The following ISM2 variants were observed in gnomAD, a reference collection of about 807,000 sequenced individuals.
ISM2 encodes isthmin 2.
Under a neutral mutation model 58.0 loss-of-function variants are expected in ISM2, and 50 were observed. The ratio of observed to expected loss-of-function variants is 0.86; its 90% CI spans 0.69 to 1.09. ISM2 has a LOEUF of 1.09. Among genes scored for constraint, ISM2 ranks in the 50% least tolerant of loss-of-function variants. The pLI is 0.00. For synonymous variants in ISM2, 303 were observed against 312.4 expected (o/e 0.97, Z 0.32); for missense variants, 723 against 745.0 (o/e 0.97, Z 0.34).
chr14:77,479,067 T>A (rs2139955846), intron 4 of ISM2, among the ~76,000 whole-genome samples: 1 of 152,158 alleles, frequency 6.6e-6, no homozygotes, highest in Admixed American at 6.5e-5. Context: ...GAGCTATAGG[T>A]TTTTTAATTT....
intron 6 of ISM2, among the ~76,000 whole-genome samples, 200 bp from the exon 7 acceptor site, chr14:77,476,312 C>T (rs905034216): frequency 1.3e-5 from 2 of 152,258 alleles, no homozygotes; most frequent in Non-Finnish European, 1.5e-5. Context: ...AGCTCTTGCT[C>T]AGAACAGACA....
In ISM2 at chr14:77,497,769, G is replaced by GGGAA. The variant is rs1177768719; in HGVS notation, c.141+880_141+883dup. ...AGGGAGGGAGGGAGGGAGGGAGGGA[G>GGGAA]GGAAGGAAGGAAGGAAGGAAGGAAG... is the stretch of plus-strand genomic sequence containing the variant. On this transcript the variant is annotated intron_variant, in intron 1 of 6. Transcript: ENST00000342219. Among the ~76,000 whole-genome samples the GGGAA allele has an allele frequency of 2.2e-3, 187 of 86,192 alleles. 4 individuals are homozygous for GGGAA. The highest frequency in any genetic ancestry group is 3.1e-3 in the South Asian group (8 of 2,560). The allele number at this position is 86,192 out of a possible 152,430, so 56.5% of individuals were successfully genotyped here.
rs778989446 is a variant in ISM2, at chr14:77,484,477, T to C, written c.473A>G (p.Gln158Arg). 8 of 1,608,938 alleles carry C rather than the reference T, an allele frequency of 5.0e-6. No homozygotes were observed. Among genetic ancestry groups the C allele is most frequent in the Non-Finnish European group, 6.8e-6 (8 of 1,177,854 alleles). ...CTCAGTGACAGTCCAACATCCATGT[T>C]GGTGTAGCTCTGCCTGCAGGTGGGT... ...PRTHLQAELH[Q>R]HGCWTVTEPA... Residue 158 changes from glutamine (Q) to arginine (R), a missense_variant, in exon 3 of 7, where the codon CAA becomes CGA. By Grantham distance (43) the Gln-to-Arg change is conservative. Coordinates refer to ENST00000342219, the MANE Select transcript of ISM2 (RefSeq NM_199296.3).
In ISM2 at chr14:77,484,780, G is replaced by A. The variant is rs1199932367; in HGVS notation, c.281C>T (p.Ala94Val). 1 of 1,611,156 alleles carries A rather than the reference G, an allele frequency of 6.2e-7. No homozygotes were observed. The highest frequency in any genetic ancestry group is 1.1e-5 in the South Asian group (1 of 90,952). Reference sequence around the variant, plus strand: ...AACCTCTGGGGTCCTGGGAGGGGTGGCGTTGCCTGGGGTCATGGCTGCTGG... The same window carrying A: ...AACCTCTGGGGTCCTGGGAGGGGTGACGTTGCCTGGGGTCATGGCTGCTGG... ...TEPAAMTPGN[A>V]TPPRTPEVTP... The change falls in exon 2 of 7, where the codon GCC (alanine) becomes GTC (valine). Residue 94 changes from alanine (A) to valine (V), a missense_variant. Coordinates refer to ENST00000342219, the MANE Select transcript of ISM2 (RefSeq NM_199296.3).
At chr14:77,498,603 G>A (rs2079263624) in intron 1 of ISM2, 50 bp downstream of exon 1, 1 of 1,403,020 alleles carries the variant, frequency 7.1e-7, no homozygotes, top group Non-Finnish European at 9.2e-7. Flanking sequence ...GGCGGGCTGG[G>A]GAGGTGGGAC....
intron 1 of ISM2, among the ~76,000 whole-genome samples, chr14:77,490,419 T>C (rs1012713020): frequency 1.6e-5 from 2 of 124,640 alleles, no homozygotes; most frequent in Non-Finnish European, 3.5e-5. Flanking sequence ...GATCACCCTA[T>C]ATGTACAGAC....
At chr14:77,497,685 T>A (rs2079252525) in intron 1 of ISM2, among the ~76,000 whole-genome samples, 1 of 144,634 alleles carries the variant, frequency 6.9e-6, no homozygotes, top group African/African-American at 2.6e-5. Context: ...CAGAGAGAGA[T>A]CCTGTCCCAA....
At chr14:77,478,447 A>T (rs958606281) in intron 5 of ISM2, 122 bp from the exon 6 acceptor site, 1 of 1,431,410 alleles carries the variant, frequency 7.0e-7, no homozygotes, top group Admixed American at 1.9e-5. Flanking sequence ...GCCTGGGACA[A>T]GGCAGGACCA....
chr14:77,498,285 C>G (rs1407926356), intron 1 of ISM2: 5 of 1,325,380 alleles, frequency 3.8e-6, no homozygotes, highest in Non-Finnish European at 4.9e-6. Context: ...ATTCCTCGCA[C>G]CGGCGGGACT....
chr14:77,487,864 C>T (rs1297640448), intron 1 of ISM2, among the ~76,000 whole-genome samples: 3 of 152,190 alleles, frequency 2.0e-5, no homozygotes, highest in South Asian at 2.1e-4. Flanking sequence ...CTGGGCTCCT[C>T]CGATACCCCT....
At chr14:77,491,917 A>G (rs1384262564) in intron 1 of ISM2, among the ~76,000 whole-genome samples, 1 of 151,318 alleles carries the variant, frequency 6.6e-6, no homozygotes, top group Non-Finnish European at 1.5e-5. Flanking sequence ...GCTGGTCTTG[A>G]ACTCCTGACC....
intron 1 of ISM2, among the ~76,000 whole-genome samples, chr14:77,488,500 G>A (rs750565550): frequency 6.6e-6 from 1 of 152,174 alleles, no homozygotes; most frequent in Non-Finnish European, 1.5e-5. Context: ...TGAATGTGGT[G>A]GAAATGAGTT....
chr14:77,498,785 C>G lies in ISM2; in HGVS notation c.9G>C (p.Ala3=). 1 of 1,445,886 alleles carries G rather than the reference C, an allele frequency of 6.9e-7. No individual in the cohort carries two copies. The highest frequency in any genetic ancestry group is 9.0e-7 in the Non-Finnish European group (1 of 1,109,036). 89.6% of individuals were successfully genotyped at this position (1,445,886 alleles called of 1,614,324 possible). A position where few individuals can be genotyped will look rare whatever the true frequency, so the allele number is the denominator to read the frequency against. ...GGAGGAGCCCGGCTCGGTCGCGGAGCGCACGCATCGTCTCGGTTCCGAGGC... is the reference window on the plus strand; with the variant it reads ...GGAGGAGCCCGGCTCGGTCGCGGAGGGCACGCATCGTCTCGGTTCCGAGGC... MR[A]LRDRAGLLLC... is the part of the protein sequence containing the mutation. The change falls in exon 1 of 7, where the codon GCG becomes GCC. Residue 3 remains alanine, a synonymous_variant. Coordinates refer to ENST00000342219, the MANE Select transcript of ISM2 (RefSeq NM_199296.3).
At position 77,484,725 on chromosome 14, in the gene ISM2, C is replaced by T. The variant is rs1426949499; in HGVS notation, c.336G>A (p.Leu112=). 1.2e-6 allele frequency: 2 copies of T among 1,612,532 alleles called. No individual in the cohort carries two copies. The highest frequency in any genetic ancestry group is 1.7e-6 in the Non-Finnish European group (2 of 1,179,746). Residue 112 remains leucine (L), a synonymous_variant, in exon 2 of 7, where the codon CTG becomes CTA. Transcript: ENST00000342219. ...TCAAGGTTGTGTTGGCCAATCCCGGCAGCTTCTGCAGCTCCAGCCGCAACG... is the reference window on the plus strand; with the variant it reads ...TCAAGGTTGTGTTGGCCAATCCCGGTAGCTTCTGCAGCTCCAGCCGCAACG... ...VTPLRLELQK[L]PGLANTTLST... is the part of the protein sequence containing the mutation.
At chr14:77,481,363 T>C (rs2013932) in intron 4 of ISM2, among the ~76,000 whole-genome samples, 2,384 of 151,966 alleles carry the variant, frequency 0.016, 57 homozygotes, top group African/African-American at 0.055. Flanking sequence ...AAAAAAAATC[T>C]GTCATCATGA....
chr14:77,491,475 G>C (rs2079203587), intron 1 of ISM2, among the ~76,000 whole-genome samples: 1 of 152,026 alleles, frequency 6.6e-6, no homozygotes, highest in Non-Finnish European at 1.5e-5. Context: ...CGCAACCTCT[G>C]CCTCCCGGGC....
intron 4 of ISM2, among the ~76,000 whole-genome samples, chr14:77,479,690 T>G (rs2079120568): frequency 6.6e-6 from 1 of 152,070 alleles, no homozygotes; most frequent in Non-Finnish European, 1.5e-5. Context: ...AATTTTTGTA[T>G]TTTTAGTAGA....
At chr14:77,495,857 T>C (rs2079236361) in intron 1 of ISM2, among the ~76,000 whole-genome samples, 2 of 152,152 alleles carry the variant, frequency 1.3e-5, no homozygotes, top group Non-Finnish European at 2.9e-5. Flanking sequence ...CTTAAGATAT[T>C]ACAATGGTTT....
In ISM2 at chr14:77,482,531, C is replaced by T; in HGVS notation, c.764G>A (p.Gly255Glu). ...CCCTGGGGCCCTGTCTTTTTCCTCT[C>T]CTTTGTAGTCTCCCCAGAGGAAGGA... The part of the protein sequence containing the change: ...LWSFLWGDYK[G>E]EEKDRAPGEK... The change falls in exon 4 of 7, where the codon GGA (glycine) becomes GAA (glutamate). Residue 255 changes from glycine to glutamate, a missense_variant. Gly to Glu is a moderately conservative substitution (Grantham distance 98). Transcript: ENST00000342219. 6.2e-7 allele frequency: 1 copy of T among 1,614,178 alleles called. No homozygotes were observed. The highest frequency in any genetic ancestry group is 2.2e-5 in the East Asian group (1 of 44,884).
Sources: gnomAD v4.1 joint callset for allele counts (sites outside exome capture counted in the v4.1 genomes callset) on GRCh38, gnomAD v4.1.1 for gene constraint, MANE v1.5 for transcripts, NCBI Gene and HGNC (gene_info 2026-07-23, HGNC 2026-07-21) for gene names.